CHPF: variants seen among roughly 807,000 people sequenced by gnomAD.
CHPF encodes the protein chondroitin polymerizing factor.
A neutral mutation model predicts 55.1 loss-of-function variants in CHPF; 34 were observed. The observed-to-expected ratio is 0.62, with a 90% CI of 0.47 to 0.82. CHPF has a LOEUF of 0.82. Among genes scored for constraint, CHPF ranks in the 40% least tolerant of loss-of-function variants. The probability of loss-of-function intolerance (pLI) is 0.00; values close to 1 mark genes in which losing one functional copy is unlikely to be tolerated. For missense variants in CHPF, 961 were observed against 1,106.1 expected (o/e 0.87, Z 1.86); for synonymous variants, 489 against 496.6 (o/e 0.98, Z 0.20).
chr2:219,540,184 A>G lies in CHPF; in HGVS notation c.1527T>C (p.Thr509=). The G allele has an allele frequency of 6.2e-7, 1 of 1,610,874 alleles. No homozygotes were observed. Among genetic ancestry groups the G allele is most frequent in the South Asian group, 1.1e-5 (1 of 90,682 alleles). ...VPYVTEASRL[T]VLLPLAAAER... is the part of the protein sequence containing the mutation. Reference sequence around the variant, plus strand: ...CAGCCGCAGCTAGAGGCAGCAGCACAGTGAGACGTGAGGCCTCAGTGACAT... The same window carrying G: ...CAGCCGCAGCTAGAGGCAGCAGCACGGTGAGACGTGAGGCCTCAGTGACAT... The change falls in exon 4 of 4, where the codon ACT becomes ACC. Residue 509 remains threonine, a synonymous_variant. Transcript: ENST00000243776.
In CHPF at chr2:219,542,129, G is replaced by T. The variant is rs373330576; in HGVS notation, c.375C>A (p.Thr125=). The T allele has an allele frequency of 3.2e-4, 500 of 1,562,780 alleles. No homozygotes were observed. The highest frequency in any genetic ancestry group is 3.9e-4 in the Non-Finnish European group (454 of 1,160,950). The change falls in exon 2 of 4, where the codon ACC becomes ACA. Residue 125 remains threonine (T), a synonymous_variant. Transcript: ENST00000243776. ...IRQRLLVAVL[T]SQTTLPTLGV... The stretch of plus-strand genomic sequence containing the variant: ...CCAGCGTGGGCAGCGTGGTCTGAGA[G>T]GTCAGCACCGCCACCAGCAGCCTCT...
rs1695329744 is a variant in CHPF at position 219,543,765 on chromosome 2, C to A, written c.-227G>T. On this transcript the variant is annotated 5_prime_UTR_variant, in exon 1 of 4. Transcript: ENST00000243776. ...GGCTGCGCAGGGTTCTTGCGCTCGG[C>A]ACTGGAGCCTCAGCCGCGGCCGCAG... The A allele has an allele frequency of 6.4e-6, 3 of 469,884 alleles. No homozygotes were observed. The allele number at this position is 469,884 out of a possible 1,614,324, so 29.1% of individuals were successfully genotyped here. A position where few individuals can be genotyped will look rare whatever the true frequency, so the allele number is the denominator to read the frequency against.
intron 3 of CHPF, 69 bp downstream of exon 3, chr2:219,540,874 ATTT>A (rs1695255551): frequency 6.4e-7 from 1 of 1,567,282 alleles, no homozygotes; most frequent in African/African-American, 1.4e-5. Context: ...CTAACTTGTC[ATTT>A]CTCTGGGCTC....
rs752254719 is a variant in CHPF at position 219,543,286 on chromosome 2, C to G, written c.253G>C (p.Glu85Gln). 1.0e-5 allele frequency: 16 copies of G among 1,575,280 alleles called. No homozygotes were observed. In the African/African-American group the frequency reaches 2.0e-4, roughly 19 times the overall value. The change falls in exon 1 of 4, where the codon GAG becomes CAG. Residue 85 changes from glutamate (E) to glutamine (Q), a missense_variant. Physicochemically the swap from Glu to Gln is conservative, Grantham distance 29. Transcript: ENST00000243776. ...GAGEGAGENW[E>Q]PRVLPYHPAQ... ...GGGTGGTAGGGCAAGACGCGCGGCT[C>G]CCAATTCTCCCCGGCGCCTTCGCCG...
At position 219,540,186 on chromosome 2, in the gene CHPF, T is replaced by C. The variant is rs150325362; in HGVS notation, c.1525A>G (p.Thr509Ala). 5.6e-6 allele frequency: 9 copies of C among 1,610,974 alleles called. No individual in the cohort carries two copies. In the African/African-American group the frequency reaches 1.1e-4, roughly 19 times the overall value. Reference sequence around the variant, plus strand: ...GCCGCAGCTAGAGGCAGCAGCACAGTGAGACGTGAGGCCTCAGTGACATAG... The same window carrying C: ...GCCGCAGCTAGAGGCAGCAGCACAGCGAGACGTGAGGCCTCAGTGACATAG... ...VPYVTEASRL[T>A]VLLPLAAAER... The change falls in exon 4 of 4, where the codon ACT becomes GCT. Residue 509 changes from threonine (T) to alanine (A), a missense_variant. Physicochemically the swap from Thr to Ala is moderately conservative, Grantham distance 58. Transcript: ENST00000243776.
Position 219,539,588 on chromosome 2 carries a change from T to A in CHPF, c.2123A>T (p.Tyr708Phe). Residue 708 changes from tyrosine to phenylalanine, a missense_variant, in exon 4 of 4, where the codon TAC (tyrosine) becomes TTC (phenylalanine). Tyr to Phe is a conservative substitution (Grantham distance 22, BLOSUM62 3). Coordinates refer to ENST00000243776, the MANE Select transcript of CHPF (RefSeq NM_024536.6). ...ACTGGAGAAGTGGAGGAACAGCTCG[T>A]ACACATCCAGGCTCTCCAGCAGCTC... Reference protein sequence around the residue: ...EEELLESLDVYELFLHFSSLH... With the variant: ...EEELLESLDVFELFLHFSSLH... 1 of 1,613,906 alleles carries A rather than the reference T, an allele frequency of 6.2e-7. No homozygotes were observed. Among genetic ancestry groups the A allele is most frequent in the East Asian group, 2.2e-5 (1 of 44,872 alleles).
At position 219,541,724 on chromosome 2, in the gene CHPF, G is replaced by C; in HGVS notation, c.780C>G (p.Arg260=). 2 of 1,611,316 alleles carry C rather than the reference G, an allele frequency of 1.2e-6. No homozygotes were observed. Among genetic ancestry groups the C allele is most frequent in the South Asian group, 1.1e-5 (1 of 90,638 alleles). Reference sequence around the variant, plus strand: ...CGTTGCGGCAGCCTTCCAGGTGGGGGCGCAGTTGTTGCAGCAGCATGCGCG... The same window carrying C: ...CGTTGCGGCAGCCTTCCAGGTGGGGCCGCAGTTGTTGCAGCAGCATGCGCG... ...LLSRMLLQQL[R]PHLEGCRNDI... The change falls in exon 2 of 4, where the codon CGC becomes CGG. Residue 260 remains arginine (R), a synonymous_variant. Coordinates refer to ENST00000243776, the MANE Select transcript of CHPF (RefSeq NM_024536.6).
rs751391972 is a variant in CHPF at position 219,541,632 on chromosome 2, C to CA, written c.871dup (p.Cys291LeufsTer4). Reference sequence around the variant, plus strand: ...TCATCCCACCTCGTGGTCACCAGTGCAGCCCACCCCGGTGGCATCGAGAAT... The same window carrying CA: ...TCATCCCACCTCGTGGTCACCAGTGCAAGCCCACCCCGGTGGCATCGAGAAT... On this transcript the variant is annotated frameshift_variant, in exon 2 of 4. Coordinates refer to ENST00000243776, the MANE Select transcript of CHPF (RefSeq NM_024536.6). LOFTEE classifies it high-confidence loss of function. 1 of 1,580,802 alleles carries CA rather than the reference C, an allele frequency of 6.3e-7. No homozygotes were observed. The highest frequency in any genetic ancestry group is 8.6e-7 in the Non-Finnish European group (1 of 1,159,838).
chr2:219,541,513 G>A (rs1384678446), intron 2 of CHPF, 103 bp downstream of exon 2: 20 of 924,722 alleles, frequency 2.2e-5, no homozygotes, highest in Non-Finnish European at 3.2e-5. Flanking sequence ...ATAAATGTCC[G>A]AATTGGCATG....
In CHPF at chr2:219,541,797, T is replaced by C. The variant is rs751494563; in HGVS notation, c.707A>G (p.Glu236Gly). 25 of 1,605,944 alleles carry C rather than the reference T, an allele frequency of 1.6e-5. No individual in the cohort carries two copies. The highest frequency in any genetic ancestry group is 7.8e-5 in the South Asian group (7 of 90,258). ...LGRPQDFIGG[E>G]PTPGRYCHGG... ...GTGGCAGTAGCGGCCGGGGGTGGGCTCTCCGCCGATGAAGTCCTGGGGCCG... is the reference window on the plus strand; with the variant it reads ...GTGGCAGTAGCGGCCGGGGGTGGGCCCTCCGCCGATGAAGTCCTGGGGCCG... Residue 236 changes from glutamate (E) to glycine (G), a missense_variant, in exon 2 of 4, where the codon GAG becomes GGG. Glu to Gly is a moderately conservative substitution (Grantham distance 98). This residue lies in a region of CHPF where 936 missense variants were observed against 1,058.4 expected (regional missense o/e 0.88). Coordinates refer to ENST00000243776, the MANE Select transcript of CHPF (RefSeq NM_024536.6).
chr2:219,543,723 C>A lies in CHPF; in HGVS notation c.-185G>T. 2.3e-6 allele frequency: 1 copy of A among 442,840 alleles called. No individual in the cohort carries two copies. Among genetic ancestry groups the A allele is most frequent in the Admixed American group, 4.3e-5 (1 of 23,526 alleles). 27.4% of individuals were successfully genotyped at this position (442,840 alleles called of 1,614,324 possible). On this transcript the variant is annotated 5_prime_UTR_variant, in exon 1 of 4. It adds an upstream start codon to the 5' untranslated region. Coordinates refer to ENST00000243776, the MANE Select transcript of CHPF (RefSeq NM_024536.6). The stretch of plus-strand genomic sequence containing the variant: ...TCCCCGGAGCCGCGCCTCGATTCCC[C>A]TCCAGCAGCTGCTCTGGGCTGCGCA...
At chr2:219,542,566 C>A (rs1293696183) in intron 1 of CHPF, among the ~76,000 whole-genome samples, 5 of 152,204 alleles carry the variant, frequency 3.3e-5, no homozygotes, top group Admixed American at 3.3e-4. Context: ...TGTATCTACT[C>A]ATTTCTATAT....
intron 1 of CHPF, 151 bp from the exon 2 acceptor site, chr2:219,542,340 G>C (rs1452921413): frequency 3.1e-6 from 2 of 648,168 alleles, no homozygotes; most frequent in East Asian, 3.0e-5. Context: ...TCTCCCAGGG[G>C]TCATGAGGAT....
chr2:219,543,514 C>A lies in CHPF; in HGVS notation c.25G>T (p.Val9Leu). 1 of 1,356,288 alleles carries A rather than the reference C, an allele frequency of 7.4e-7. No individual in the cohort carries two copies. The highest frequency in any genetic ancestry group is 3.1e-5 in the East Asian group (1 of 32,476). 84.0% of individuals were successfully genotyped at this position (1,356,288 alleles called of 1,614,324 possible). Reference protein sequence around the residue: MRASLLLSVLRPAGPVAVG... With the variant: MRASLLLSLLRPAGPVAVG... Reference sequence around the variant, plus strand: ...GCCACGGGCCCTGCGGGCCGCAGCACCGACAGCAGCAGCGATGCCCGCATG... The same window carrying A: ...GCCACGGGCCCTGCGGGCCGCAGCAACGACAGCAGCAGCGATGCCCGCATG... The change falls in exon 1 of 4, where the codon GTG (valine) becomes TTG (leucine). Residue 9 changes from valine to leucine, a missense_variant. Physicochemically the swap from Val to Leu is conservative, Grantham distance 32. Coordinates refer to ENST00000243776, the MANE Select transcript of CHPF (RefSeq NM_024536.6).
Position 219,539,643 on chromosome 2 carries a change from G to A in CHPF, c.2068C>T (p.Arg690Cys), listed in dbSNP as rs376924121. 11 of 1,613,338 alleles carry A rather than the reference G, an allele frequency of 6.8e-6. 1 individual carries two copies. Among genetic ancestry groups the A allele is most frequent in the Middle Eastern group, 1.6e-4 (1 of 6,082 alleles). Reference sequence around the variant, plus strand: ...TCTTGTTCTGAGGCTGCCGCCAGGCGCCCACGGGCTGCCACATAGTCGGAG... The same window carrying A: ...TCTTGTTCTGAGGCTGCCGCCAGGCACCCACGGGCTGCCACATAGTCGGAG... ...YNSDYVAARG[R>C]LAAASEQEEE... is the part of the protein sequence containing the mutation. The change falls in exon 4 of 4, where the codon CGC becomes TGC. Residue 690 changes from arginine (R) to cysteine (C), a missense_variant. Around this residue, in one of 3 missense-constraint regions of CHPF, gnomAD observed 936 missense variants for 1,058.4 expected, o/e 0.88. Transcript: ENST00000243776.
At chr2:219,542,439 C>G (rs1200449234) in intron 1 of CHPF, among the ~76,000 whole-genome samples, 1 of 152,128 alleles carries the variant, frequency 6.6e-6, no homozygotes, top group Non-Finnish European at 1.5e-5. Flanking sequence ...GTGGGTCTGA[C>G]TCCGGGGTTC....
rs1695314312 is a variant in CHPF at position 219,543,155 on chromosome 2, G to A, written c.314+70C>T. 12 of 1,372,480 alleles carry A rather than the reference G, an allele frequency of 8.7e-6. No individual in the cohort carries two copies. The South Asian group carries it at 1.3e-4, about 15-fold the overall frequency. The allele number at this position is 1,372,480 out of a possible 1,614,324, so 85.0% of individuals were successfully genotyped here. A position where few individuals can be genotyped will look rare whatever the true frequency, so the allele number is the denominator to read the frequency against. On this transcript the variant is annotated intron_variant, in intron 1 of 3. Transcript: ENST00000243776. ...CCCTTCCTTCCGGAGCCTGACCCGG[G>A]CCCGGGCGACCTCCCCGCGCGCTTC...
rs1695257651 is a variant in CHPF, at chr2:219,540,948, G to A, written c.1066C>T (p.Gln356Ter). The change falls in exon 3 of 4, where the codon CAG becomes TAG. Residue 356 changes from glutamine (Q) to a stop codon, truncating the protein, a stop_gained and splice_region_variant. Transcript: ENST00000243776. LOFTEE classifies it high-confidence loss of function. ...ERTYQEIQEL[Q>*]WEIQNTSHLA... Reference sequence around the variant, plus strand: ...CCACCCCCAGACCTAGACCATACCTGTAACTCCTGGATCTCCTGGTACGTG... The same window carrying A: ...CCACCCCCAGACCTAGACCATACCTATAACTCCTGGATCTCCTGGTACGTG... The A allele has an allele frequency of 1.2e-6, 2 of 1,613,554 alleles. No homozygotes were observed. Among genetic ancestry groups the A allele is most frequent in the Admixed American group, 1.7e-5 (1 of 59,874 alleles).
intron 1 of CHPF, 49 bp from the exon 2 acceptor site, chr2:219,542,238 GGT>G: frequency 3.3e-6 from 1 of 300,846 alleles, no homozygotes; most frequent in Non-Finnish European, 6.2e-6. Context: ...CGGGGCGGGG[GGT>G]GGGGGGGAGG....
Sources: allele counts gnomAD v4.1 joint callset (sites outside exome capture counted in the v4.1 genomes callset), GRCh38; gene constraint gnomAD v4.1.1; regional missense constraint gnomAD v4.1.1; transcripts MANE v1.5; gene names NCBI Gene and HGNC (gene_info 2026-07-23, HGNC 2026-07-21).